Variants in AAK1 observed in about 807,000 individuals in gnomAD.
AAK1 encodes the protein AP2 associated kinase 1.
A neutral mutation model predicts 116.0 loss-of-function variants in AAK1; 37 were observed. That is an observed-to-expected ratio of 0.32 (90% CI 0.25 to 0.42). The LOEUF is 0.42. Among genes scored for constraint, AAK1 ranks in the 10% least tolerant of loss-of-function variants. The pLI, the probability that AAK1 is intolerant of heterozygous loss-of-function variation, is 1.00. For synonymous variants in AAK1, 458 were observed against 439.9 expected, an observed-to-expected ratio of 1.04 and a Z score of -0.51; for missense variants, 919 against 1,170.6, an observed-to-expected ratio of 0.79 and a Z score of 3.14.
chr2:69,576,184 A>G (rs74336168), intron 2 of AAK1, among the ~76,000 whole-genome samples: 1,992 of 152,272 alleles, frequency 0.013, 45 homozygotes, highest in African/African-American at 0.045. Flanking sequence ...TCTCTCCCCA[A>G]TGACTTTCTG....
At chr2:69,636,367 T>C (rs1460928352) in intron 2 of AAK1, among the ~76,000 whole-genome samples, 4 of 152,236 alleles carry the variant, frequency 2.6e-5, no homozygotes, top group East Asian at 3.8e-4. Context: ...ATTTAAAATA[T>C]AGATTTGCAT....
At chr2:69,476,779 T>C in intron 21 of AAK1, 101 bp downstream of exon 21, 1 of 758,216 alleles carries the variant, frequency 1.3e-6, no homozygotes, top group Admixed American at 2.4e-5. Flanking sequence ...ATGTCCTTCA[T>C]TAAATGTTGA....
At chr2:69,582,082 C>A (rs1672570125) in intron 2 of AAK1, among the ~76,000 whole-genome samples, 2 of 152,180 alleles carry the variant, frequency 1.3e-5, no homozygotes, top group South Asian at 4.1e-4. Context: ...TCATAAGCTA[C>A]TTATTAAGTA....
intron 2 of AAK1, among the ~76,000 whole-genome samples, chr2:69,630,152 C>A (rs1355344046): frequency 6.6e-6 from 1 of 152,092 alleles, no homozygotes; most frequent in Non-Finnish European, 1.5e-5. Context: ...AGGTGCCAGG[C>A]ATTCCTGGCA....
chr2:69,472,786 T>A lies in AAK1; in HGVS notation c.*3083A>T. ...ACTGGTAGATGCCTGATTATACATT[T>A]AAAAAGAAATCTTCTGATACCATTT... is the stretch of plus-strand genomic sequence containing the variant. On this transcript the variant is annotated 3_prime_UTR_variant, in exon 22 of 22. Coordinates refer to ENST00000409085, the MANE Select transcript of AAK1 (RefSeq NM_014911.5). The A allele has an allele frequency of 4.1e-6, 4 of 982,124 alleles. No individual in the cohort carries two copies. The highest frequency in any genetic ancestry group is 4.8e-6 in the Non-Finnish European group (4 of 827,888). The allele number at this position is 982,124 out of a possible 1,614,324, so 60.8% of individuals were successfully genotyped here. A position where few individuals can be genotyped will look rare whatever the true frequency, so the allele number is the denominator to read the frequency against.
intron 2 of AAK1, among the ~76,000 whole-genome samples, chr2:69,587,556 C>T (rs1194834186): frequency 6.6e-6 from 1 of 151,804 alleles, no homozygotes; most frequent in Non-Finnish European, 1.5e-5. Context: ...ACCTCCGCCT[C>T]TTGGGTTCAA....
intron 2 of AAK1, among the ~76,000 whole-genome samples, chr2:69,575,693 C>A (rs1227840050): frequency 1.3e-5 from 2 of 152,138 alleles, no homozygotes; most frequent in Non-Finnish European, 2.9e-5. Context: ...GTCTCGAACT[C>A]TTAACCTCAG....
chr2:69,505,915 G>A (rs958992294), intron 15 of AAK1, among the ~76,000 whole-genome samples: 3 of 152,212 alleles, frequency 2.0e-5, no homozygotes, highest in Non-Finnish European at 4.4e-5. Context: ...AATGAAAAGC[G>A]TTCTGGAGAT....
chr2:69,490,250 T>C (rs58609040), intron 17 of AAK1, among the ~76,000 whole-genome samples: 14,295 of 152,072 alleles, frequency 0.094, 1,486 homozygotes, highest in African/African-American at 0.23. Context: ...TGGAAAACAG[T>C]GGTCCTCAAA....
At position 69,461,549 on chromosome 2, in the gene AAK1, T is replaced by A. The variant is rs1400290131; in HGVS notation, c.*14320A>T. 2 of 301,186 alleles carry A rather than the reference T, an allele frequency of 6.6e-6. No homozygotes were observed. Among genetic ancestry groups the A allele is most frequent in the Non-Finnish European group, 1.3e-5 (2 of 152,890 alleles). The allele number at this position is 301,186 out of a possible 1,614,324, so 18.7% of individuals were successfully genotyped here. A position where few individuals can be genotyped will look rare whatever the true frequency, so the allele number is the denominator to read the frequency against. The stretch of plus-strand genomic sequence containing the variant: ...CATGTGTTTGCATCCGTTTCTGTAT[T>A]CAAAGAAGGTATGTAGAGTCTCCAC... On this transcript the variant is annotated 3_prime_UTR_variant, in exon 22 of 22. Coordinates refer to ENST00000409085, the MANE Select transcript of AAK1 (RefSeq NM_014911.5).
chr2:69,603,375 GGA>G (rs145060763), intron 2 of AAK1, among the ~76,000 whole-genome samples: 1 of 151,586 alleles, frequency 6.6e-6, no homozygotes, highest in Non-Finnish European at 1.5e-5. Context: ...AAGAAACAGA[GGA>G]GAGAGAGAGA....
At chr2:69,562,864 TG>T (rs1188212037) in intron 2 of AAK1, among the ~76,000 whole-genome samples, 1 of 152,180 alleles carries the variant, frequency 6.6e-6, no homozygotes, top group Non-Finnish European at 1.5e-5. Context: ...CACTCCAGCC[TG>T]GGCGACAGAG....
chr2:69,537,138 A>T (rs1202241012), intron 5 of AAK1, among the ~76,000 whole-genome samples: 2 of 152,228 alleles, frequency 1.3e-5, no homozygotes, highest in Non-Finnish European at 2.9e-5. Flanking sequence ...CTGGTAAAGA[A>T]GAGGGCTGGC....
intron 2 of AAK1, among the ~76,000 whole-genome samples, chr2:69,599,467 G>A (rs760677192): frequency 2.0e-5 from 3 of 150,710 alleles, no homozygotes; most frequent in Non-Finnish European, 4.4e-5. Flanking sequence ...TCACGATGTT[G>A]CAGTATTTCA....
intron 6 of AAK1, chr2:69,531,816 T>A (rs1399463850): frequency 1.6e-6 from 2 of 1,252,582 alleles, no homozygotes; most frequent in South Asian, 1.7e-5. Context: ...GGACCACTGA[T>A]AAAGTGCTCT....
chr2:69,478,793 T>C (rs527740737), intron 20 of AAK1, 158 bp downstream of exon 20: 2 of 618,494 alleles, frequency 3.2e-6, no homozygotes, highest in Non-Finnish European at 5.7e-6. Flanking sequence ...CTGAGAGGTA[T>C]TATAACACAG....
At position 69,471,408 on chromosome 2, in the gene AAK1, AAG is replaced by A; in HGVS notation, c.*4459_*4460del. ...TTCAGAAACATTACTAATGTGGAAA[AAG>A]AAAAGGCTGACTTTGTGTTGATAAA... is the stretch of plus-strand genomic sequence containing the variant. On this transcript the variant is annotated 3_prime_UTR_variant, in exon 22 of 22. Coordinates refer to ENST00000409085, the MANE Select transcript of AAK1 (RefSeq NM_014911.5). The A allele has an allele frequency of 1.0e-6, 1 of 985,470 alleles. No homozygotes were observed. Among genetic ancestry groups the A allele is most frequent in the Non-Finnish European group, 1.2e-6 (1 of 829,934 alleles). The allele number at this position is 985,470 out of a possible 1,614,324, so 61.0% of individuals were successfully genotyped here. A position where few individuals can be genotyped will look rare whatever the true frequency, so the allele number is the denominator to read the frequency against.
Position 69,509,352 on chromosome 2 carries a change from G to A in AAK1, c.1885C>T (p.Arg629Cys), listed in dbSNP as rs777848330. The A allele has an allele frequency of 2.7e-5, 43 of 1,614,044 alleles. No homozygotes were observed. Among genetic ancestry groups the A allele is most frequent in the Middle Eastern group, 1.6e-4 (1 of 6,062 alleles). Residue 629 changes from arginine to cysteine, a missense_variant, in exon 14 of 22, where the codon CGT (arginine) becomes TGT (cysteine). By Grantham distance (180) the Arg-to-Cys change is radical. This residue lies in a region of AAK1 where 125 missense variants were observed against 184.1 expected (regional missense o/e 0.68). Transcript: ENST00000409085. ...LTPPSSPKTQRAGHRRILSDV... is the reference protein window; with the variant it reads ...LTPPSSPKTQCAGHRRILSDV... The stretch of plus-strand genomic sequence containing the variant: ...CTGAGAATACGCCTGTGCCCAGCAC[G>A]TTGGGTTTTGGGGGATGAGGGTGGA...
intron 2 of AAK1, among the ~76,000 whole-genome samples, chr2:69,585,999 G>A (rs991495240): frequency 6.6e-6 from 1 of 152,268 alleles, no homozygotes; most frequent in South Asian, 2.1e-4. Flanking sequence ...CCCTCTGCCT[G>A]ATTGGTGCGG....
Sources: gnomAD v4.1 joint callset for allele counts (sites outside exome capture counted in the v4.1 genomes callset) on GRCh38, gnomAD v4.1.1 for gene constraint, gnomAD v4.1.1 regional missense constraint, MANE v1.5 for transcripts, NCBI Gene and HGNC (gene_info 2026-07-23, HGNC 2026-07-21) for gene names.